The following TFDP2 variants were observed in gnomAD, a reference collection of about 807,000 sequenced individuals.
TFDP2 encodes the protein transcription factor Dp-2 (E2F dimerization partner 2).
In TFDP2, 17 loss-of-function variants were observed where a neutral mutation model predicts 59.3. The ratio of observed to expected loss-of-function variants is 0.29; its 90% CI spans 0.20 to 0.43. TFDP2 has a LOEUF of 0.43. TFDP2 is among the 20% of genes least tolerant of loss of function. The probability of loss-of-function intolerance (pLI) is 1.00; values close to 1 mark genes in which losing one functional copy is unlikely to be tolerated. For synonymous variants in TFDP2, 180 were observed against 194.7 expected, an observed-to-expected ratio of 0.92 and a Z score of 0.63; for missense variants, 391 against 528.8, an observed-to-expected ratio of 0.74 and a Z score of 2.56.
intron 4 of TFDP2, among the ~76,000 whole-genome samples, chr3:141,997,260 C>T (rs1576631810): frequency 6.6e-6 from 1 of 152,168 alleles, no homozygotes; most frequent in Non-Finnish European, 1.5e-5. Context: ...AAAGTAACTT[C>T]ATTTATTGAT....
At chr3:142,034,670 C>T (rs557364772) in intron 3 of TFDP2, among the ~76,000 whole-genome samples, 2 of 151,012 alleles carry the variant, frequency 1.3e-5, no homozygotes, top group African/African-American at 4.9e-5. Context: ...CCTTGCTGAT[C>T]TTACAAATCC....
chr3:142,124,968 G>A (rs1029609992), intron 1 of TFDP2, among the ~76,000 whole-genome samples: 3 of 152,116 alleles, frequency 2.0e-5, no homozygotes, highest in Non-Finnish European at 4.4e-5. Context: ...CGCCAAGGTG[G>A]GAGTATTGCT....
chr3:142,026,322 A>C (rs901763986), intron 3 of TFDP2, among the ~76,000 whole-genome samples: 2 of 147,430 alleles, frequency 1.4e-5, no homozygotes, highest in Admixed American at 6.7e-5. Flanking sequence ...AAAAAAACAA[A>C]AAAACAACAA....
intron 4 of TFDP2, among the ~76,000 whole-genome samples, chr3:142,004,864 G>A (rs1455096339): frequency 3.3e-5 from 5 of 152,066 alleles, no homozygotes; most frequent in African/African-American, 1.2e-4. Context: ...AACAATACAA[G>A]AGAAACCTCA....
chr3:142,140,775 C>T (rs2062921266), intron 1 of TFDP2, among the ~76,000 whole-genome samples: 1 of 152,150 alleles, frequency 6.6e-6, no homozygotes, highest in Non-Finnish European at 1.5e-5. Context: ...AGGGGGGCAC[C>T]CACCTGTATG....
At chr3:141,995,293 T>C (rs7612237) in intron 4 of TFDP2, 152 bp from the exon 5 acceptor site, 136 of 493,786 alleles carry the variant, frequency 2.8e-4, no homozygotes, top group African/African-American at 2.5e-3. Flanking sequence ...AGCAATGCCT[T>C]TGATTTACTT....
intron 1 of TFDP2, among the ~76,000 whole-genome samples, chr3:142,146,721 G>T (rs1485534980): frequency 6.6e-6 from 1 of 152,126 alleles, no homozygotes; most frequent in East Asian, 1.9e-4. Flanking sequence ...GAATGTGGAT[G>T]AACTAAACAA....
At chr3:142,102,290 C>T (rs142213235) in intron 1 of TFDP2, among the ~76,000 whole-genome samples, 131 of 151,936 alleles carry the variant, frequency 8.6e-4, no homozygotes, top group Non-Finnish European at 1.5e-3. Context: ...CAACTGAACA[C>T]CAAAGTACAT....
chr3:141,946,606 G>A lies in TFDP2; in HGVS notation c.*5907C>T, dbSNP rs1935275215. On this transcript the variant is annotated 3_prime_UTR_variant, in exon 13 of 13. Coordinates refer to ENST00000489671, the MANE Select transcript of TFDP2 (RefSeq NM_001178139.2). Reference sequence around the variant, plus strand: ...TTTTTCTTCTTTAGCATACTGTGGAGTGAGACATGTGGGAAAATCGGATCC... The same window carrying A: ...TTTTTCTTCTTTAGCATACTGTGGAATGAGACATGTGGGAAAATCGGATCC... 1 of 152,236 alleles carries A rather than the reference G, an allele frequency of 6.6e-6. No homozygotes were observed. The highest frequency in any genetic ancestry group is 6.5e-5 in the Admixed American group (1 of 15,278). The allele number at this position is 152,236 out of a possible 1,614,324, so 9.4% of individuals were successfully genotyped here.
At chr3:141,984,589 T>C (rs899793125) in intron 6 of TFDP2, among the ~76,000 whole-genome samples, 2 of 151,432 alleles carry the variant, frequency 1.3e-5, no homozygotes, top group East Asian at 1.9e-4. Flanking sequence ...TGTGGGGGAG[T>C]GGTAAATGTA....
chr3:141,964,363 C>T (rs981035715), intron 9 of TFDP2, among the ~76,000 whole-genome samples: 14 of 152,084 alleles, frequency 9.2e-5, no homozygotes, highest in African/African-American at 3.1e-4. Context: ...AATAAAATCT[C>T]GAGGGAGGCT....
At chr3:141,968,546 T>A (rs1445282608) in intron 9 of TFDP2, among the ~76,000 whole-genome samples, 1 of 111,822 alleles carries the variant, frequency 8.9e-6, no homozygotes, top group Non-Finnish European at 1.6e-5. Context: ...ATAACATATA[T>A]ATATCTCATA....
At chr3:142,000,387 C>G (rs1006998242) in intron 4 of TFDP2, 1 of 691,406 alleles carries the variant, frequency 1.4e-6, no homozygotes, top group Non-Finnish European at 2.6e-6. Flanking sequence ...GTGCTCCCTT[C>G]AACCTCTTTT....
intron 2 of TFDP2, among the ~76,000 whole-genome samples, chr3:142,098,341 G>A (rs991037508): frequency 6.7e-6 from 1 of 148,942 alleles, no homozygotes; most frequent in Admixed American, 6.8e-5. Context: ...GAACACAACT[G>A]CATTTTTGGT....
At chr3:141,984,446 G>A (rs899845506) in intron 6 of TFDP2, among the ~76,000 whole-genome samples, 12 of 152,172 alleles carry the variant, frequency 7.9e-5, no homozygotes, top group Middle Eastern at 3.4e-3. Flanking sequence ...TTAGTGAGCC[G>A]AGATCACGCC....
chr3:142,011,933 A>G (rs960113677), intron 3 of TFDP2, among the ~76,000 whole-genome samples: 34 of 152,112 alleles, frequency 2.2e-4, no homozygotes, highest in Non-Finnish European at 4.3e-4. Context: ...ATTAGAGAGG[A>G]ATAAACTGAC....
intron 3 of TFDP2, among the ~76,000 whole-genome samples, chr3:142,091,949 C>A (rs900990233): frequency 7.9e-5 from 12 of 152,090 alleles, no homozygotes; most frequent in African/African-American, 2.9e-4. Context: ...AGTACGTCTC[C>A]CACCTTAGAC....
At chr3:142,115,707 G>C (rs537819670) in intron 1 of TFDP2, among the ~76,000 whole-genome samples, 241 of 152,242 alleles carry the variant, frequency 1.6e-3, no homozygotes, top group Admixed American at 4.0e-3. Flanking sequence ...TTGTTCAATA[G>C]TATCATACTA....
chr3:141,961,237 G>GTTTTTTTTTTTTTTTTTT (rs1177754086), intron 10 of TFDP2, among the ~76,000 whole-genome samples: 1 of 84,678 alleles, frequency 1.2e-5, no homozygotes, highest in Admixed American at 1.4e-4. Context: ...GTTTTTTGTT[G>GTTTTTTTTTTTTTTTTTT]TTTTTTTTTT....
Sources: allele counts gnomAD v4.1 joint callset (sites outside exome capture counted in the v4.1 genomes callset), GRCh38; gene constraint gnomAD v4.1.1; transcripts MANE v1.5; gene names NCBI Gene and HGNC (gene_info 2026-07-23, HGNC 2026-07-21).